The following QTMAN variants were observed in gnomAD, a reference collection of about 807,000 sequenced individuals.
QTMAN encodes the protein tRNA-queuosine alpha-mannosyltransferase.
chr2:143,999,253 C>T, the QTMAN span, among the ~76,000 whole-genome samples: 7 of 151,856 alleles, frequency 4.6e-5, no homozygotes, highest in East Asian at 3.9e-4. Context: ...GCCTTCGGTG[C>T]GTGGACATTC....
the QTMAN span, among the ~76,000 whole-genome samples, chr2:144,108,080 A>C: frequency 2.0e-5 from 3 of 152,194 alleles, no homozygotes; most frequent in African/African-American, 7.2e-5. Flanking sequence ...ACTCTCGATA[A>C]ATTAGGTATT....
the QTMAN span, among the ~76,000 whole-genome samples, chr2:144,133,232 T>C: frequency 3.4e-5 from 1 of 29,578 alleles, no homozygotes; most frequent in Non-Finnish European, 6.3e-5. Flanking sequence ...AATATATATT[T>C]ATATTTATAT....
the QTMAN span, among the ~76,000 whole-genome samples, chr2:144,160,245 A>G: frequency 6.6e-6 from 1 of 152,158 alleles, no homozygotes; most frequent in African/African-American, 2.4e-5. Flanking sequence ...ACTGAACACT[A>G]TTTAGTAAAT....
the QTMAN span, among the ~76,000 whole-genome samples, chr2:144,102,308 G>A: frequency 6.6e-6 from 1 of 152,176 alleles, no homozygotes; most frequent in Admixed American, 6.5e-5. Flanking sequence ...TTTGTGAAAT[G>A]CCCTGCTGAT....
chr2:144,276,299 A>C, the QTMAN span, among the ~76,000 whole-genome samples: 1 of 152,132 alleles, frequency 6.6e-6, no homozygotes. Context: ...TTCTCCCCTC[A>C]GCCTCCCAAA....
At chr2:144,044,269 A>C in the QTMAN span, among the ~76,000 whole-genome samples, 1 of 152,220 alleles carries the variant, frequency 6.6e-6, no homozygotes, top group South Asian at 2.1e-4. Flanking sequence ...TATACACATA[A>C]GATATGTGAT....
the QTMAN span, among the ~76,000 whole-genome samples, chr2:144,155,639 A>G: frequency 6.6e-6 from 1 of 152,116 alleles, no homozygotes; most frequent in African/African-American, 2.4e-5. Flanking sequence ...TCATCACTGC[A>G]ATCCGACCCT....
At chr2:144,048,701 C>A in the QTMAN span, among the ~76,000 whole-genome samples, 1 of 152,062 alleles carries the variant, frequency 6.6e-6, no homozygotes, top group African/African-American at 2.4e-5. Flanking sequence ...ATCAGTGGTA[C>A]AAAGGAGTGC....
the QTMAN span, among the ~76,000 whole-genome samples, chr2:144,307,836 ATAAC>A: frequency 6.6e-6 from 1 of 152,342 alleles, no homozygotes; most frequent in East Asian, 1.9e-4. Flanking sequence ...AAATGAAAGA[ATAAC>A]TAAATTGAGG....
the QTMAN span, among the ~76,000 whole-genome samples, chr2:144,215,248 T>A: frequency 4.5e-4 from 67 of 147,652 alleles, no homozygotes; most frequent in South Asian, 3.4e-3. Context: ...TCTTTATTTT[T>A]TAAAAAAAAA....
chr2:144,182,643 CAA>C, the QTMAN span, among the ~76,000 whole-genome samples: 69 of 34,972 alleles, frequency 2.0e-3, no homozygotes, highest in African/African-American at 5.8e-3. Flanking sequence ...GACTCCGTCT[CAA>C]AAAAAAAAAA....
chr2:144,148,365 C>T, the QTMAN span, among the ~76,000 whole-genome samples: 10 of 151,622 alleles, frequency 6.6e-5, no homozygotes, highest in African/African-American at 2.4e-4. Flanking sequence ...TCTATGTGAA[C>T]AGGTGTGTAG....
the QTMAN span, among the ~76,000 whole-genome samples, chr2:144,069,470 T>C: frequency 1.3e-5 from 2 of 152,132 alleles, no homozygotes; most frequent in African/African-American, 4.8e-5. Context: ...CCCAGTCACA[T>C]TATGTCATAT....
At chr2:144,111,617 G>A in the QTMAN span, among the ~76,000 whole-genome samples, 121 of 152,264 alleles carry the variant, frequency 7.9e-4, no homozygotes, top group South Asian at 4.6e-3. Flanking sequence ...GATCAGATGT[G>A]AGTTCCCTAC....
At chr2:144,240,964 T>G in the QTMAN span, among the ~76,000 whole-genome samples, 1 of 152,158 alleles carries the variant, frequency 6.6e-6, no homozygotes, top group Non-Finnish European at 1.5e-5. Flanking sequence ...ATCCCCTGGA[T>G]AGCTTAAAAC....
At chr2:144,095,890 A>G in the QTMAN span, among the ~76,000 whole-genome samples, 3 of 152,178 alleles carry the variant, frequency 2.0e-5, no homozygotes, top group Admixed American at 2.0e-4. Context: ...CTCCAACCAA[A>G]TAACTTGTGT....
At chr2:143,994,848 G>A in the QTMAN span, among the ~76,000 whole-genome samples, 3 of 152,080 alleles carry the variant, frequency 2.0e-5, no homozygotes, top group Admixed American at 6.5e-5. Context: ...ACTAAAAATC[G>A]CTGAATTGTA....
chr2:144,320,193 C>T, the QTMAN span, among the ~76,000 whole-genome samples: 1 of 152,162 alleles, frequency 6.6e-6, no homozygotes, highest in South Asian at 2.1e-4. Context: ...TTTAGGTATG[C>T]TTCTACAGCT....
At chr2:144,166,196 A>AT in the QTMAN span, among the ~76,000 whole-genome samples, 1 of 152,192 alleles carries the variant, frequency 6.6e-6, no homozygotes, top group Non-Finnish European at 1.5e-5. Context: ...GTTGCCTTTT[A>AT]TCTCCATGCT....
Sources: gnomAD v4.1 joint callset for allele counts (sites outside exome capture counted in the v4.1 genomes callset) on GRCh38, gnomAD v4.1.1 for gene constraint, MANE v1.5 for transcripts, NCBI Gene and HGNC (gene_info 2026-07-23, HGNC 2026-07-21) for gene names.